Variants in SLC25A41 observed in about 807,000 individuals in gnomAD.
The protein encoded by SLC25A41 is solute carrier family 25 member 41, also known as mitochondrial carrier protein SCaMC-3L.
Under a neutral mutation model 34.7 loss-of-function variants are expected in SLC25A41, and 35 were observed. The ratio of observed to expected loss-of-function variants is 1.01; its 90% CI spans 0.77 to 1.34. SLC25A41 has a LOEUF of 1.34. Ranked by LOEUF, SLC25A41 falls within the 40% of genes most tolerant of loss-of-function variation. The pLI, the probability that SLC25A41 is intolerant of heterozygous loss-of-function variation, is 0.00. For missense variants in SLC25A41, 492 were observed against 489.8 expected, an observed-to-expected ratio of 1.00 and a Z score of -0.04; for synonymous variants, 190 against 209.9, an observed-to-expected ratio of 0.91 and a Z score of 0.82.
chr19:6,430,114 C>A lies in SLC25A41; in HGVS notation c.411G>T (p.Gln137His), dbSNP rs752526629. The change falls in exon 3 of 7, where the codon CAG (glutamine) becomes CAT (histidine). Residue 137 changes from glutamine to histidine, a missense_variant. Gln to His is a conservative substitution (Grantham distance 24). Coordinates refer to ENST00000321510, the MANE Select transcript of SLC25A41 (RefSeq NM_173637.4). ...TNFTNLLGGL[Q>H]SMVQEGGFRS... ...GGAAGCCGCCCTCCTGGACCATGCT[C>A]TGTAGCCCCCCCAGCAGGTTGGTGA... The A allele has an allele frequency of 2.5e-6, 4 of 1,613,398 alleles. No individual in the cohort carries two copies. Among genetic ancestry groups the A allele is most frequent in the Non-Finnish European group, 3.4e-6 (4 of 1,179,644 alleles).
Position 6,429,059 on chromosome 19 carries a change from GTT to G in SLC25A41, c.624+663_624+664del, listed in dbSNP as rs1491420042. On this transcript the variant is annotated intron_variant, in intron 4 of 6. Coordinates refer to ENST00000321510, the MANE Select transcript of SLC25A41 (RefSeq NM_173637.4). Reference sequence around the variant, plus strand: ...TATATAATATATATATTATATATATGTTATATATATATATAATATATATATTA... The same window carrying G: ...TATATAATATATATATTATATATATGATATATATATATAATATATATATTA... Among the ~76,000 whole-genome samples the G allele has an allele frequency of 4.3e-3, 103 of 24,218 alleles. 21 individuals are homozygous for G. The highest frequency in any genetic ancestry group is 0.024 in the Admixed American group (21 of 874). The allele number at this position is 24,218 out of a possible 152,430, so 15.9% of individuals were successfully genotyped here.
At position 6,426,401 on chromosome 19, in the gene SLC25A41, G is replaced by A. The variant is rs768464489; in HGVS notation, c.1101C>T (p.Thr367=). The A allele has an allele frequency of 1.9e-6, 3 of 1,613,650 alleles. No homozygotes were observed. In the Admixed American group the frequency reaches 5.0e-5, roughly 27 times the overall value. The change falls in exon 7 of 7, where the codon ACC becomes ACT. Residue 367 remains threonine, a synonymous_variant. Transcript: ENST00000321510. ...TCCAGCTCACAGCCTATATGCCCAG[G>A]GTTTTCTTCATGGCTTCGTACACCA... ...SYVVYEAMKK[T]LGI
intron 2 of SLC25A41, among the ~76,000 whole-genome samples, chr19:6,430,831 C>T (rs1599258615): frequency 2.0e-5 from 3 of 151,810 alleles, no homozygotes; most frequent in East Asian, 3.9e-4. Context: ...TTTATGTTTT[C>T]GAGACAGGAT....
chr19:6,427,557 C>A lies in SLC25A41; in HGVS notation c.625-56G>T. On this transcript the variant is annotated intron_variant, in intron 4 of 6. Coordinates refer to ENST00000321510, the MANE Select transcript of SLC25A41 (RefSeq NM_173637.4). The surrounding 1 kb of genome is among the most constrained non-coding windows in gnomAD (Gnocchi z 4.9). ...TTGATTGAATCCTGTCAATGACCCT[C>A]GGGGTAGCCATTGTCCCCACCCTAC... The A allele has an allele frequency of 6.9e-7, 1 of 1,439,638 alleles. No homozygotes were observed. 89.2% of individuals were successfully genotyped at this position (1,439,638 alleles called of 1,614,324 possible).
At chr19:6,435,402 G>C (rs529318051), upstream of SLC25A41, among the ~76,000 whole-genome samples, 1 of 149,654 alleles carries the variant, frequency 6.7e-6, no homozygotes, top group Non-Finnish European at 1.5e-5. Context: ...ACACAGGTGC[G>C]GACACCACGC....
chr19:6,432,519 A>C (rs1326901288), intron 1 of SLC25A41, among the ~76,000 whole-genome samples: 1 of 118,044 alleles, frequency 8.5e-6, no homozygotes, highest in East Asian at 2.4e-4. Context: ...GATGGGTTTC[A>C]CTATGTTGGC....
At chr19:6,433,832 A>G (rs113937563), upstream of SLC25A41, 10,455 of 651,468 alleles carry the variant, frequency 0.016, 135 homozygotes, top group South Asian at 0.035. Flanking sequence ...TGACCTTCCT[A>G]GGTGTGGTGG....
rs768609653 is a variant in SLC25A41 at position 6,432,125 on chromosome 19, A to G, written c.287T>C (p.Leu96Pro). The change falls in exon 2 of 7, where the codon CTA becomes CCA. Residue 96 changes from leucine to proline, a missense_variant. Transcript: ENST00000321510. Reference sequence around the variant, plus strand: ...CGCCCCGGCCATAGCTCCTGAGAGTAGAAACTTCCACAAGGCCTCCTTGTT... The same window carrying G: ...CGCCCCGGCCATAGCTCCTGAGAGTGGAAACTTCCACAAGGCCTCCTTGTT... ...VDNKEALWKFLLSGAMAGAVS... is the reference protein window; with the variant it reads ...VDNKEALWKFPLSGAMAGAVS... 6.8e-6 allele frequency: 11 copies of G among 1,613,832 alleles called. No individual in the cohort carries two copies. In the African/African-American group the frequency reaches 1.5e-4, roughly 22 times the overall value.
chr19:6,429,155 T>A (rs866268875), intron 4 of SLC25A41, among the ~76,000 whole-genome samples: 3 of 29,350 alleles, frequency 1.0e-4, no homozygotes, highest in East Asian at 1.5e-3. Context: ...ATATATATAT[T>A]ATATATATAA....
chr19:6,430,105 G>C lies in SLC25A41; in HGVS notation c.420C>G (p.Val140=). ...TNLLGGLQSM[V]QEGGFRSLWR... is the part of the protein sequence containing the mutation. ...ACAGGGAGCGGAAGCCGCCCTCCTG[G>C]ACCATGCTCTGTAGCCCCCCCAGCA... Residue 140 remains valine (V), a synonymous_variant, in exon 3 of 7, where the codon GTC becomes GTG. Transcript: ENST00000321510. 8 of 1,613,440 alleles carry C rather than the reference G, an allele frequency of 5.0e-6. No individual in the cohort carries two copies. The highest frequency in any genetic ancestry group is 6.8e-6 in the Non-Finnish European group (8 of 1,179,672).
intron 2 of SLC25A41, among the ~76,000 whole-genome samples, chr19:6,431,824 C>T (rs1451046674): frequency 6.6e-6 from 1 of 152,060 alleles, no homozygotes; most frequent in Non-Finnish European, 1.5e-5. Context: ...AGCGTTGGTC[C>T]CTGTCCCTGG....
chr19:6,427,012 G>C lies in SLC25A41; in HGVS notation c.940+91C>G, dbSNP rs1482219533. On this transcript the variant is annotated intron_variant, in intron 6 of 6. Transcript: ENST00000321510. This position sits in a 1 kb window ranked among gnomAD's most constrained non-coding sequence, Gnocchi z 4.9. ...TGGGCTGGGATCAGACACGGAGGGT[G>C]CCGGACTCAGTTTTGGGGTATGAGA... 2 of 1,414,848 alleles carry C rather than the reference G, an allele frequency of 1.4e-6. No homozygotes were observed. The highest frequency in any genetic ancestry group is 2.8e-5 in the African/African-American group (2 of 70,660). 87.6% of individuals were successfully genotyped at this position (1,414,848 alleles called of 1,614,324 possible).
chr19:6,431,599 C>T (rs999846432), intron 2 of SLC25A41, among the ~76,000 whole-genome samples: 1 of 151,958 alleles, frequency 6.6e-6, no homozygotes, highest in African/African-American at 2.4e-5. Flanking sequence ...ACCACCATGC[C>T]CGACTAATTT....
At chr19:6,434,957 T>C (rs1211441620), upstream of SLC25A41, among the ~76,000 whole-genome samples, 1 of 151,838 alleles carries the variant, frequency 6.6e-6, no homozygotes, top group Non-Finnish European at 1.5e-5. Context: ...GCGCCGTGGC[T>C]CATTCCTATA....
At chr19:6,430,805 C>T (rs1448806513) in intron 2 of SLC25A41, among the ~76,000 whole-genome samples, 1 of 151,644 alleles carries the variant, frequency 6.6e-6, no homozygotes. Context: ...CCTTTTCTTT[C>T]TTGTTTTTTT....
chr19:6,426,123 C>G lies in SLC25A41; in HGVS notation c.*266G>C. 2.2e-6 allele frequency: 1 copy of G among 461,204 alleles called. No homozygotes were observed. The allele number at this position is 461,204 out of a possible 1,614,324, so 28.6% of individuals were successfully genotyped here. A position where few individuals can be genotyped will look rare whatever the true frequency, so the allele number is the denominator to read the frequency against. On this transcript the variant is annotated 3_prime_UTR_variant, in exon 7 of 7. Transcript: ENST00000321510. Reference sequence around the variant, plus strand: ...CCAGGACGACCCACAAGGGGCCAGACTGGAGTCCACGTTTCTTGTCTCAGG... The same window carrying G: ...CCAGGACGACCCACAAGGGGCCAGAGTGGAGTCCACGTTTCTTGTCTCAGG...
intron 1 of SLC25A41, among the ~76,000 whole-genome samples, chr19:6,432,826 G>A (rs1161689144): frequency 3.3e-5 from 5 of 149,314 alleles, no homozygotes; most frequent in Non-Finnish European, 7.4e-5. Context: ...CCAACGTGCC[G>A]AGCAAATTTT....
rs757854027 is a variant in SLC25A41, at chr19:6,427,194, C to T, written c.849G>A (p.Leu283=). ...SGRDMGDPSG[L]VSLSSVTLST... is the part of the protein sequence containing the mutation. Reference sequence around the variant, plus strand: ...ATAGCGTCACAGACGACAGACTGACCAGGCCACTGGGGTCCCCCATATCCC... The same window carrying T: ...ATAGCGTCACAGACGACAGACTGACTAGGCCACTGGGGTCCCCCATATCCC... Residue 283 remains leucine (L), a synonymous_variant, in exon 6 of 7, where the codon CTG becomes CTA. Transcript: ENST00000321510. The surrounding 1 kb of genome is among the most constrained non-coding windows in gnomAD (Gnocchi z 4.9). 6.2e-7 allele frequency: 1 copy of T among 1,612,602 alleles called. No homozygotes were observed. The highest frequency in any genetic ancestry group is 8.5e-7 in the Non-Finnish European group (1 of 1,179,784).
chr19:6,432,198 C>T lies in SLC25A41; in HGVS notation c.214G>A (p.Asp72Asn), dbSNP rs758414462. Reference sequence around the variant, plus strand: ...GGGACCATCAGCTGCTCTCCTGTGTCCAGTACCTGCAGGGCAGACCCGGCC... The same window carrying T: ...GGGACCATCAGCTGCTCTCCTGTGTTCAGTACCTGCAGGGCAGACCCGGCC... ...LEHLPSQQVL[D>N]TGEQLMVPVE... The change falls in exon 2 of 7, where the codon GAC (aspartate) becomes AAC (asparagine). Residue 72 changes from aspartate (D) to asparagine (N), a missense_variant. Asp to Asn is a conservative substitution (Grantham distance 23). Transcript: ENST00000321510. 3 of 1,613,342 alleles carry T rather than the reference C, an allele frequency of 1.9e-6. No homozygotes were observed. The South Asian group carries it at 3.3e-5, about 18-fold the overall frequency.
Sources: gnomAD v4.1 joint callset for allele counts (sites outside exome capture counted in the v4.1 genomes callset) on GRCh38, gnomAD v4.1.1 for gene constraint, Gnocchi (gnomAD v3.1) non-coding constraint, MANE v1.5 for transcripts, NCBI Gene and HGNC (gene_info 2026-07-23, HGNC 2026-07-21) for gene names.